CNOT1: variants seen among roughly 807,000 people sequenced by gnomAD.
CNOT1 encodes the protein CCR4-associated factor 1.
In CNOT1, 15 loss-of-function variants were observed where a neutral mutation model predicts 273.8. The ratio of observed to expected loss-of-function variants is 0.05; its 90% CI spans 0.04 to 0.08. The LOEUF (loss-of-function observed/expected upper bound fraction) is 0.08, where lower values mean the gene tolerates loss of function less well. CNOT1 is among the 10% of genes least tolerant of loss of function. The pLI is 1.00. For missense variants in CNOT1, 1,644 were observed against 2,912.2 expected (o/e 0.56, Z 10.02); for synonymous variants, 1,022 against 1,005.5 (o/e 1.02, Z -0.31).
chr16:58,624,755 A>G (rs1001263753), intron 1 of CNOT1: 1 of 152,136 alleles, frequency 6.6e-6, no homozygotes, highest in Non-Finnish European at 1.5e-5. Flanking sequence ...CCGAGATCAC[A>G]CCACTGCTCT....
Position 58,547,446 on chromosome 16 carries a change from C to G in CNOT1, c.3639+120G>C. ...GCCTTACAAAAAGGGGTTAACAACT[C>G]AAAACGTGGGCCAAAATCTTACAAA... On this transcript the variant is annotated intron_variant, in intron 26 of 48. Transcript: ENST00000317147. This position sits in a 1 kb window ranked among gnomAD's most constrained non-coding sequence, Gnocchi z 4.0. 1 of 1,504,626 alleles carries G rather than the reference C, an allele frequency of 6.6e-7. No individual in the cohort carries two copies. The highest frequency in any genetic ancestry group is 8.9e-7 in the Non-Finnish European group (1 of 1,120,192). The allele number at this position is 1,504,626 out of a possible 1,614,324, so 93.2% of individuals were successfully genotyped here. A position where few individuals can be genotyped will look rare whatever the true frequency, so the allele number is the denominator to read the frequency against.
At chr16:58,549,231 G>A (rs1162608364) in intron 25 of CNOT1, among the ~76,000 whole-genome samples, 2 of 149,740 alleles carry the variant, frequency 1.3e-5, no homozygotes, top group African/African-American at 4.9e-5. Context: ...AGGCTGCAGT[G>A]AGCCGAGATC....
At chr16:58,523,235 A>G (rs957761181) in intron 47 of CNOT1, 135 bp downstream of exon 47, 24 of 875,598 alleles carry the variant, frequency 2.7e-5, no homozygotes, top group Non-Finnish European at 3.8e-5. Flanking sequence ...ACAGAGCAAC[A>G]CTCCGTCTCA....
At position 58,530,540 on chromosome 16, in the gene CNOT1, T is replaced by A. The variant is rs2039745892; in HGVS notation, c.6178-193A>T. 17 of 396,900 alleles carry A rather than the reference T, an allele frequency of 4.3e-5. No individual in the cohort carries two copies. In the East Asian group the frequency reaches 6.4e-4, roughly 15 times the overall value. 24.6% of individuals were successfully genotyped at this position (396,900 alleles called of 1,614,324 possible). A position where few individuals can be genotyped will look rare whatever the true frequency, so the allele number is the denominator to read the frequency against. ...GCTGACGCCTGTAATCCCAGCACTCTGGGAGGCCAAGGCCAGTGGATCACT... is the reference window on the plus strand; with the variant it reads ...GCTGACGCCTGTAATCCCAGCACTCAGGGAGGCCAAGGCCAGTGGATCACT... On this transcript the variant is annotated intron_variant, in intron 42 of 48. Transcript: ENST00000317147.
At chr16:58,565,432 A>G (rs1379402049) in intron 16 of CNOT1, among the ~76,000 whole-genome samples, 1 of 152,152 alleles carries the variant, frequency 6.6e-6, no homozygotes, top group East Asian at 1.9e-4. Context: ...TATATTTTCT[A>G]TGAACAAAAA....
intron 16 of CNOT1, among the ~76,000 whole-genome samples, chr16:58,568,907 A>G (rs1361290774): frequency 1.3e-5 from 2 of 152,214 alleles, no homozygotes; most frequent in Non-Finnish European, 2.9e-5. Context: ...AATAACGAAC[A>G]ATGTGCTCTG....
intron 24 of CNOT1, 77 bp from the exon 25 acceptor site, chr16:58,549,975 A>G (rs2040398141): frequency 6.3e-7 from 1 of 1,584,444 alleles, no homozygotes; most frequent in Non-Finnish European, 8.5e-7. Flanking sequence ...GAACCATACT[A>G]TACAGCACAT....
At position 58,521,021 on chromosome 16, in the gene CNOT1, G is replaced by A. The variant is rs188764632; in HGVS notation, c.7068C>T (p.Val2356=). ...GCTTCTGTCCCATGCAGCACTGTGC[G>A]ACCGACTGGAATAACCTGAAGGATG... ...APEIEKLFQS[V]AQCCMGQKQA... is the part of the protein sequence containing the mutation. The change falls in exon 49 of 49, where the codon GTC becomes GTT. Residue 2356 remains valine, a synonymous_variant. Coordinates refer to ENST00000317147, the MANE Select transcript of CNOT1 (RefSeq NM_016284.5). 3.5e-5 allele frequency: 56 copies of A among 1,614,004 alleles called. No individual in the cohort carries two copies. The East Asian group carries it at 6.0e-4, about 17-fold the overall frequency.
At chr16:58,524,698 G>A (rs904228526) in intron 46 of CNOT1, among the ~76,000 whole-genome samples, 1 of 152,002 alleles carries the variant, frequency 6.6e-6, no homozygotes, top group African/African-American at 2.4e-5. Context: ...AAATATAGAG[G>A]ACCAAATGAA....
intron 1 of CNOT1, among the ~76,000 whole-genome samples, chr16:58,629,367 G>A (rs527316015): frequency 3.2e-4 from 49 of 152,258 alleles, no homozygotes; most frequent in African/African-American, 1.0e-3. Flanking sequence ...GTCTCAGAGG[G>A]GTGCAACCCG....
chr16:58,607,379 T>G (rs576973436), intron 1 of CNOT1, among the ~76,000 whole-genome samples: 1 of 152,204 alleles, frequency 6.6e-6, no homozygotes, highest in East Asian at 1.9e-4. Flanking sequence ...GTATATATGC[T>G]CACATATATA....
At chr16:58,537,461 T>C (rs552782605) in intron 38 of CNOT1, among the ~76,000 whole-genome samples, 1 of 152,356 alleles carries the variant, frequency 6.6e-6, no homozygotes, top group Admixed American at 6.5e-5. Flanking sequence ...TTCATTTAAA[T>C]GAAACTGATG....
chr16:58,618,918 C>G (rs1307412508), intron 1 of CNOT1, among the ~76,000 whole-genome samples: 1 of 152,168 alleles, frequency 6.6e-6, no homozygotes, highest in African/African-American at 2.4e-5. Context: ...CCACGCCAGG[C>G]ATGGTGGCTC....
In CNOT1 at chr16:58,542,769, T is replaced by C. The variant is rs188121659; in HGVS notation, c.4435-201A>G. ...TAAGACAAAAATATCCTAGACACCT[T>C]ATCAGTTTATTGTGAACATGCCTTA... On this transcript the variant is annotated intron_variant, in intron 31 of 48. Coordinates refer to ENST00000317147, the MANE Select transcript of CNOT1 (RefSeq NM_016284.5). 1.7e-3 allele frequency among the ~76,000 whole-genome samples: 255 copies of C among 152,268 alleles called. 1 individual carries two copies. The highest frequency in any genetic ancestry group is 5.8e-3 in the African/African-American group (243 of 41,550).
intron 1 of CNOT1, among the ~76,000 whole-genome samples, chr16:58,602,752 A>T (rs1023791254): frequency 6.6e-6 from 1 of 151,534 alleles, no homozygotes; most frequent in Non-Finnish European, 1.5e-5. Flanking sequence ...ATAAAATAAT[A>T]AAAAAAATTT....
intron 16 of CNOT1, among the ~76,000 whole-genome samples, chr16:58,566,283 T>C (rs1263782948): frequency 6.6e-6 from 1 of 152,262 alleles, no homozygotes; most frequent in African/African-American, 2.4e-5. Flanking sequence ...ATCGTAATTC[T>C]TCTATATTTA....
At chr16:58,551,479 A>T in intron 23 of CNOT1, 110 bp downstream of exon 23, 2 of 1,319,304 alleles carry the variant, frequency 1.5e-6, no homozygotes, top group Non-Finnish European at 2.1e-6. Flanking sequence ...TCAGTCTTTT[A>T]TATCTTTTTT....
intron 13 of CNOT1, among the ~76,000 whole-genome samples, chr16:58,577,665 T>C (rs1236438834): frequency 2.6e-5 from 4 of 151,932 alleles, no homozygotes. Flanking sequence ...AGGGCAAGAC[T>C]CTGTCTCTAC....
chr16:58,567,032 T>A (rs1347960869), intron 16 of CNOT1, among the ~76,000 whole-genome samples: 1 of 152,118 alleles, frequency 6.6e-6, no homozygotes, highest in South Asian at 2.1e-4. Context: ...CATGCGTCTA[T>A]AGGACCACCT....
Sources: gnomAD v4.1 joint callset for allele counts (sites outside exome capture counted in the v4.1 genomes callset) on GRCh38, gnomAD v4.1.1 for gene constraint, Gnocchi (gnomAD v3.1) non-coding constraint, MANE v1.5 for transcripts, NCBI Gene and HGNC (gene_info 2026-07-23, HGNC 2026-07-21) for gene names.